Variants in ENTPD5 observed in about 807,000 individuals in gnomAD.
ENTPD5 encodes the protein ectonucleoside triphosphate diphosphohydrolase 5 (inactive), also known as nucleoside diphosphate phosphatase ENTPD5.
ENTPD5 carries 49 observed loss-of-function variants against 60.2 expected under a neutral mutation model. The observed-to-expected ratio is 0.81, with a 90% CI of 0.65 to 1.03. The LOEUF (loss-of-function observed/expected upper bound fraction) is 1.03. Ranked by LOEUF, ENTPD5 falls within the 50% of genes least tolerant of loss-of-function variation. ENTPD5 has a pLI of 0.00. For synonymous variants in ENTPD5, 187 were observed against 185.4 expected, an observed-to-expected ratio of 1.01 and a Z score of -0.07; for missense variants, 480 against 507.6, an observed-to-expected ratio of 0.95 and a Z score of 0.52.
rs2140432953 is a variant in ENTPD5, at chr14:73,963,269, A to G, written c.*3659T>C. 1 of 558,628 alleles carries G rather than the reference A, an allele frequency of 1.8e-6. No homozygotes were observed. Among genetic ancestry groups the G allele is most frequent in the Admixed American group, 3.4e-5 (1 of 29,042 alleles). 34.6% of individuals were successfully genotyped at this position (558,628 alleles called of 1,614,324 possible). Reference sequence around the variant, plus strand: ...GCTTTTTATTACTAAAAAACCCACAAGGTGCTGTCTCACTCATTTCCAGTT... The same window carrying G: ...GCTTTTTATTACTAAAAAACCCACAGGGTGCTGTCTCACTCATTTCCAGTT... On this transcript the variant is annotated 3_prime_UTR_variant, in exon 16 of 16. Coordinates refer to ENST00000334696, the MANE Select transcript of ENTPD5 (RefSeq NM_001249.5).
intron 3 of ENTPD5, among the ~76,000 whole-genome samples, chr14:74,000,741 G>T (rs2058482445): frequency 6.6e-6 from 1 of 151,888 alleles, no homozygotes; most frequent in Non-Finnish European, 1.5e-5. Flanking sequence ...TCATGCCACT[G>T]CACTCCAGCC....
At chr14:73,962,012 A>G (rs372815503), downstream of ENTPD5, 145 of 1,272,830 alleles carry the variant, frequency 1.1e-4, 2 homozygotes, top group South Asian at 1.3e-3. Context: ...CAGTGGCACA[A>G]TTTCCACTCA....
At chr14:74,017,147 C>T (rs991740065) in intron 1 of ENTPD5, among the ~76,000 whole-genome samples, 3 of 152,034 alleles carry the variant, frequency 2.0e-5, no homozygotes, top group African/African-American at 2.4e-5. Flanking sequence ...GGAGAAACCC[C>T]GTGTCTACTA....
chr14:73,977,277 C>A (rs747715804), intron 7 of ENTPD5, 22 bp downstream of exon 7: 27 of 1,582,186 alleles, frequency 1.7e-5, no homozygotes, highest in Non-Finnish European at 2.3e-5. Context: ...CCCCCTGGAA[C>A]GCATATCAAC....
At chr14:73,961,810 CT>C, downstream of ENTPD5, 2 of 1,614,200 alleles carry the variant, frequency 1.2e-6, no homozygotes, top group Non-Finnish European at 1.7e-6. Flanking sequence ...CTGCTACAGA[CT>C]TACTAAAAAG....
intron 1 of ENTPD5, chr14:74,018,585 A>G (rs2059138115): frequency 6.6e-6 from 1 of 152,230 alleles, no homozygotes; most frequent in South Asian, 2.1e-4. Flanking sequence ...CAAGTTGAAG[A>G]GCTTCCAACT....
At position 73,971,842 on chromosome 14, in the gene ENTPD5, T is replaced by G; in HGVS notation, c.1084+10A>C. ...CAGGCTTACCTTCAAGGGCTTCCCC[T>G]GACACTTACCTTCCCTGGCTTTTCT... On this transcript the variant is annotated intron_variant, in intron 14 of 15. Coordinates refer to ENST00000334696, the MANE Select transcript of ENTPD5 (RefSeq NM_001249.5). The G allele has an allele frequency of 1.3e-6, 2 of 1,599,788 alleles. No individual in the cohort carries two copies. Among genetic ancestry groups the G allele is most frequent in the Non-Finnish European group, 1.7e-6 (2 of 1,166,960 alleles).
chr14:73,973,481 T>C (rs912851057), intron 12 of ENTPD5, among the ~76,000 whole-genome samples: 5 of 152,228 alleles, frequency 3.3e-5, no homozygotes, highest in African/African-American at 1.2e-4. Flanking sequence ...GCATTAGACC[T>C]AGGCTTAGAA....
intron 3 of ENTPD5, among the ~76,000 whole-genome samples, chr14:73,988,380 C>G (rs1267874746): frequency 1.3e-5 from 2 of 152,042 alleles, no homozygotes; most frequent in South Asian, 2.1e-4. Flanking sequence ...ATATATTTTC[C>G]CATGCTTTGG....
chr14:73,976,183 G>A (rs1211195203), intron 9 of ENTPD5, 141 bp downstream of exon 9: 4 of 829,974 alleles, frequency 4.8e-6, no homozygotes, highest in Non-Finnish European at 7.9e-6. Flanking sequence ...AGATGGCAAG[G>A]GAACATTCAC....
At chr14:73,988,651 A>G (rs2058005159) in intron 3 of ENTPD5, among the ~76,000 whole-genome samples, 2 of 152,280 alleles carry the variant, frequency 1.3e-5, no homozygotes, top group East Asian at 3.9e-4. Flanking sequence ...CCCATTAACC[A>G]AGTTCTCCTA....
chr14:73,998,058 G>A (rs1359321843), intron 3 of ENTPD5, among the ~76,000 whole-genome samples: 1 of 152,118 alleles, frequency 6.6e-6, no homozygotes, highest in Non-Finnish European at 1.5e-5. Context: ...CAGAAAGAAT[G>A]AGGGTCGTGA....
At chr14:74,011,609 CAA>C (rs2058847685) in intron 2 of ENTPD5, among the ~76,000 whole-genome samples, 2 of 152,032 alleles carry the variant, frequency 1.3e-5, no homozygotes, top group African/African-American at 2.4e-5. Context: ...CCAACCTGGG[CAA>C]TGTGGCGAAA....
rs950016801 is a variant in ENTPD5 at position 73,968,017 on chromosome 14, C to T, written c.1201-1003G>A. ...CGCATGCCTGTAATCCCAGCTACTT[C>T]GGAGGCTGAGGCAGGAGAATCAGTT... On this transcript the variant is annotated intron_variant, in intron 15 of 15. Transcript: ENST00000334696. Among the ~76,000 whole-genome samples, 7 of 149,416 alleles carry T rather than the reference C, an allele frequency of 4.7e-5. No homozygotes were observed. The East Asian group carries it at 8.1e-4, about 17-fold the overall frequency.
At chr14:73,959,127 A>G (rs779390191), downstream of ENTPD5, 1 of 1,614,196 alleles carries the variant, frequency 6.2e-7, no homozygotes, top group South Asian at 1.1e-5. Context: ...GGCACTAGGT[A>G]CTTCACAGAG....
intron 2 of ENTPD5, among the ~76,000 whole-genome samples, chr14:74,014,259 C>T (rs974156130): frequency 6.6e-6 from 1 of 152,102 alleles, no homozygotes; most frequent in African/African-American, 2.4e-5. Flanking sequence ...CATAACAAAA[C>T]CCCATTTCAA....
chr14:73,987,109 C>T (rs1439302838), intron 4 of ENTPD5: 1 of 703,204 alleles, frequency 1.4e-6, no homozygotes, highest in Admixed American at 2.0e-5. Flanking sequence ...TGGTGGACAC[C>T]TAACTCCTCC....
chr14:73,967,818 G>A (rs12883870), intron 15 of ENTPD5, among the ~76,000 whole-genome samples: 2,265 of 108,522 alleles, frequency 0.021, 52 homozygotes, highest in African/African-American at 0.07. Flanking sequence ...AAAAAAAAAA[G>A]AAAAAAAAAG....
intron 15 of ENTPD5, among the ~76,000 whole-genome samples, chr14:73,967,799 C>CAAAAAAAAA (rs33926682): frequency 2.0e-5 from 2 of 97,842 alleles, no homozygotes; most frequent in South Asian, 3.8e-4. Flanking sequence ...GACCCTGTCT[C>CAAAAAAAAA]AAAAAAAAAA....
Sources: allele counts gnomAD v4.1 joint callset (sites outside exome capture counted in the v4.1 genomes callset), GRCh38; gene constraint gnomAD v4.1.1; transcripts MANE v1.5; gene names NCBI Gene and HGNC (gene_info 2026-07-23, HGNC 2026-07-21).